LRRK1: variants seen among roughly 807,000 people sequenced by gnomAD.
LRRK1 encodes the protein leucine rich repeat kinase 1, also known as leucine-rich repeat serine/threonine-protein kinase 1.
Under a neutral mutation model 209.1 loss-of-function variants are expected in LRRK1, and 113 were observed. That is an observed-to-expected ratio of 0.54 (90% CI 0.46 to 0.63). The LOEUF (loss-of-function observed/expected upper bound fraction) is 0.63. LRRK1 is among the 30% of genes least tolerant of loss of function. The pLI, the probability that LRRK1 is intolerant of heterozygous loss-of-function variation, is 0.00. For synonymous variants in LRRK1, 1,144 were observed against 1,099.7 expected (o/e 1.04, Z -0.80); for missense variants, 2,284 against 2,632.2 (o/e 0.87, Z 2.89).
In LRRK1 at chr15:101,051,813, A is replaced by G. The variant is rs374717787; in HGVS notation, c.3542A>G (p.Lys1181Arg). The change falls in exon 24 of 34, where the codon AAA becomes AGA. Residue 1181 changes from lysine (K) to arginine (R), a missense_variant. Transcript: ENST00000388948. ...GCCCAGCACACGGACCCCAGTGAGA[A>G]ATCAGAGGATGTGCAGTACTTCGAC... ...AWAQHTDPSE[K>R]SEDVQYFDME... The G allele has an allele frequency of 3.1e-6, 5 of 1,614,004 alleles. No homozygotes were observed. The highest frequency in any genetic ancestry group is 4.2e-6 in the Non-Finnish European group (5 of 1,180,026).
At position 101,077,743 on chromosome 15, in the gene LRRK1, T is replaced by TTC. The variant is rs1170223659; in HGVS notation, c.*8904_*8905dup. On this transcript the variant is annotated 3_prime_UTR_variant, in exon 34 of 34. Coordinates refer to ENST00000388948, the MANE Select transcript of LRRK1 (RefSeq NM_024652.6). ...AAGCAGCCCTGAGAAACATCGCCCA[T>TTC]TCTCTCTCTCCACACCGCCCCCCAA... is the stretch of plus-strand genomic sequence containing the variant. 6.6e-6 allele frequency: 1 copy of TTC among 152,052 alleles called. No homozygotes were observed. Among genetic ancestry groups the TTC allele is most frequent in the Non-Finnish European group, 1.5e-5 (1 of 68,010 alleles). 9.4% of individuals were successfully genotyped at this position (152,052 alleles called of 1,614,324 possible).
chr15:100,967,021 C>T (rs1210552929), intron 2 of LRRK1, among the ~76,000 whole-genome samples: 5 of 152,234 alleles, frequency 3.3e-5, no homozygotes, highest in South Asian at 2.1e-4. Context: ...CACACATACA[C>T]ATACCTGCAC....
intron 1 of LRRK1, among the ~76,000 whole-genome samples, chr15:100,923,810 A>T (rs772898302): frequency 1.3e-5 from 2 of 152,066 alleles, no homozygotes; most frequent in Non-Finnish European, 2.9e-5. Context: ...AGCATCATTG[A>T]CCTCTACCCA....
intron 4 of LRRK1, among the ~76,000 whole-genome samples, chr15:100,986,877 GTAGTTTTTCCTACGACTCT>G (rs2141667747): frequency 6.6e-6 from 1 of 152,302 alleles, no homozygotes; most frequent in East Asian, 1.9e-4. Context: ...TCCTTTCCCT[GTAGTTTTTCCTACGACTCT>G]GACCAATCTC....
intron 6 of LRRK1, among the ~76,000 whole-genome samples, chr15:100,991,388 A>T (rs2032150041): frequency 6.6e-6 from 1 of 151,986 alleles, no homozygotes; most frequent in Admixed American, 6.6e-5. Context: ...ATGTTCTTTA[A>T]TGAGATTTTT....
chr15:101,022,824 T>C lies in LRRK1; in HGVS notation c.2067+227T>C, dbSNP rs1209439926. Among the ~76,000 whole-genome samples the C allele has an allele frequency of 2.0e-5, 3 of 152,070 alleles. No homozygotes were observed. Among genetic ancestry groups the C allele is most frequent in the African/African-American group, 7.2e-5 (3 of 41,416 alleles). The stretch of plus-strand genomic sequence containing the variant: ...TCTTTTTCTTTACTTTTCTTTTTTT[T>C]TTTTCTTGAGACAGGGTTTCACTGT... On this transcript the variant is annotated intron_variant, in intron 15 of 33. Coordinates refer to ENST00000388948, the MANE Select transcript of LRRK1 (RefSeq NM_024652.6). This position sits in a 1 kb window ranked among gnomAD's most constrained non-coding sequence, Gnocchi z 4.0.
At chr15:101,009,110 C>A (rs758125704) in intron 7 of LRRK1, 47 bp downstream of exon 7, 16 of 1,391,802 alleles carry the variant, frequency 1.1e-5, no homozygotes, top group Non-Finnish European at 1.5e-5. Flanking sequence ...CCCGCTGTCA[C>A]CGTTGTGCTC....
At chr15:101,000,579 G>C (rs2032636693) in intron 6 of LRRK1, among the ~76,000 whole-genome samples, 1 of 152,202 alleles carries the variant, frequency 6.6e-6, no homozygotes, top group South Asian at 2.1e-4. Flanking sequence ...GAAGCCCTGA[G>C]GGAGGGTCTT....
rs376394754 is a variant in LRRK1, at chr15:101,025,946, G to A, written c.2233-19G>A. On this transcript the variant is annotated intron_variant, in intron 16 of 33. Transcript: ENST00000388948. Reference sequence around the variant, plus strand: ...CCATGAACAGAGACAGTACTCAGCCGTGGGGTTCTCTGTTGCAGGCCAAGG... The same window carrying A: ...CCATGAACAGAGACAGTACTCAGCCATGGGGTTCTCTGTTGCAGGCCAAGG... 94 of 1,613,548 alleles carry A rather than the reference G, an allele frequency of 5.8e-5. No homozygotes were observed. The highest frequency in any genetic ancestry group is 3.7e-4 in the African/African-American group (28 of 74,934).
intron 33 of LRRK1, among the ~76,000 whole-genome samples, chr15:101,068,258 G>A (rs2036644639): frequency 6.6e-6 from 1 of 152,166 alleles, no homozygotes; most frequent in Non-Finnish European, 1.5e-5. Context: ...AACAGAATGA[G>A]AGAAGAATCT....
chr15:101,069,121 T>C lies in LRRK1; in HGVS notation c.*273T>C. 3.2e-6 allele frequency: 1 copy of C among 309,554 alleles called. No individual in the cohort carries two copies. The highest frequency in any genetic ancestry group is 6.0e-6 in the Non-Finnish European group (1 of 167,512). The allele number at this position is 309,554 out of a possible 1,614,324, so 19.2% of individuals were successfully genotyped here. On this transcript the variant is annotated 3_prime_UTR_variant, in exon 34 of 34. Transcript: ENST00000388948. Reference sequence around the variant, plus strand: ...CAGTGGTATCAGGCTGGGAGCGGCCTCCTCTGGCCTCCCCCATCAGTTTGC... The same window carrying C: ...CAGTGGTATCAGGCTGGGAGCGGCCCCCTCTGGCCTCCCCCATCAGTTTGC...
Position 101,076,601 on chromosome 15 carries a change from C to T in LRRK1, c.*7753C>T, listed in dbSNP as rs2036995009. On this transcript the variant is annotated 3_prime_UTR_variant, in exon 34 of 34. Coordinates refer to ENST00000388948, the MANE Select transcript of LRRK1 (RefSeq NM_024652.6). ...TGCTATAGTACAAGCCGCTAGCCCG[C>T]CTCTTAGAACCTCTCATTTCCTTTC... The T allele has an allele frequency of 6.6e-6, 1 of 152,388 alleles. No individual in the cohort carries two copies. The highest frequency in any genetic ancestry group is 2.4e-5 in the African/African-American group (1 of 41,400). The allele number at this position is 152,388 out of a possible 1,614,324, so 9.4% of individuals were successfully genotyped here. A position where few individuals can be genotyped will look rare whatever the true frequency, so the allele number is the denominator to read the frequency against.
At position 101,071,372 on chromosome 15, in the gene LRRK1, C is replaced by CT. The variant is rs1463490512; in HGVS notation, c.*2525dup. 1.9e-3 allele frequency: 18 copies of CT among 9,698 alleles called. No individual in the cohort carries two copies. The highest frequency in any genetic ancestry group is 0.016 in the Admixed American group (7 of 438). 0.6% of individuals were successfully genotyped at this position (9,698 alleles called of 1,614,324 possible). The stretch of plus-strand genomic sequence containing the variant: ...TGACCGGAGACACAGTCAAGAATCT[C>CT]TGTGTTTTTTTTGTTTTGTTTTGTT... On this transcript the variant is annotated 3_prime_UTR_variant, in exon 34 of 34. Transcript: ENST00000388948.
chr15:101,047,240 G>A (rs1466741631), intron 21 of LRRK1, among the ~76,000 whole-genome samples: 1 of 152,194 alleles, frequency 6.6e-6, no homozygotes, highest in Non-Finnish European at 1.5e-5. Flanking sequence ...TACCGAAATG[G>A]TAAGAAAAAA....
intron 6 of LRRK1, chr15:100,989,797 G>C (rs2032058394): frequency 3.7e-6 from 1 of 271,524 alleles, no homozygotes; most frequent in African/African-American, 2.2e-5. Flanking sequence ...TAGCAGGGTG[G>C]GAGCTGAAAT....
chr15:101,036,833 G>T (rs543477776), intron 20 of LRRK1, among the ~76,000 whole-genome samples: 8 of 152,232 alleles, frequency 5.3e-5, no homozygotes, highest in Non-Finnish European at 1.2e-4. Flanking sequence ...TTCATTCTAT[G>T]TAGATGCAGT....
intron 2 of LRRK1, among the ~76,000 whole-genome samples, chr15:100,951,987 A>AT (rs56230463): frequency 1.1e-3 from 166 of 150,910 alleles, no homozygotes; most frequent in Admixed American, 2.4e-3. Flanking sequence ...AATAATAATA[A>AT]AATAATAGTA....
chr15:100,933,569 C>T (rs777891298), intron 2 of LRRK1, among the ~76,000 whole-genome samples: 7 of 152,108 alleles, frequency 4.6e-5, no homozygotes, highest in Non-Finnish European at 8.8e-5. Context: ...CACTGGTAAT[C>T]ACAGCTCTTT....
intron 6 of LRRK1, among the ~76,000 whole-genome samples, chr15:101,005,241 T>C (rs1238932316): frequency 6.6e-6 from 1 of 152,214 alleles, no homozygotes; most frequent in East Asian, 1.9e-4. Context: ...CATGGTGACC[T>C]TCCTGTCAGC....
Sources: allele counts gnomAD v4.1 joint callset (sites outside exome capture counted in the v4.1 genomes callset), GRCh38; gene constraint gnomAD v4.1.1; non-coding constraint Gnocchi (gnomAD v3.1); transcripts MANE v1.5; gene names NCBI Gene and HGNC (gene_info 2026-07-23, HGNC 2026-07-21).